Variants in TSPAN18 observed in about 807,000 individuals in gnomAD.
The protein encoded by TSPAN18 is tetraspanin-18.
In TSPAN18, 14 loss-of-function variants were observed where a neutral mutation model predicts 27.3. The observed-to-expected ratio is 0.51, with a 90% confidence interval of 0.34 to 0.80. The LOEUF is 0.80. Ranked by LOEUF, TSPAN18 falls within the 30% of genes least tolerant of loss-of-function variation. The pLI is 0.01. For missense variants in TSPAN18, 268 were observed against 323.9 expected, an observed-to-expected ratio of 0.83 and a Z score of 1.32; for synonymous variants, 143 against 136.5, an observed-to-expected ratio of 1.05 and a Z score of -0.33.
chr11:44,870,429 TC>T (rs1443980184), intron 3 of TSPAN18, among the ~76,000 whole-genome samples: 1 of 152,230 alleles, frequency 6.6e-6, no homozygotes, highest in Non-Finnish European at 1.5e-5. Context: ...AAGTGTGGTT[TC>T]TTTTTAAGAG....
chr11:44,919,084 C>G (rs1860025860), intron 6 of TSPAN18, 130 bp from the exon 7 acceptor site: 1 of 722,672 alleles, frequency 1.4e-6, no homozygotes, highest in South Asian at 1.6e-5. Context: ...TCCCAGGGGA[C>G]CTGGCACCAG....
intron 2 of TSPAN18, among the ~76,000 whole-genome samples, chr11:44,792,216 C>G (rs552527334): frequency 6.6e-6 from 1 of 151,896 alleles, no homozygotes; most frequent in Non-Finnish European, 1.5e-5. Context: ...TGAGTGATGC[C>G]GGGGGAAGCT....
intron 9 of TSPAN18, among the ~76,000 whole-genome samples, chr11:44,927,297 C>T (rs561255776): frequency 6.6e-6 from 1 of 152,222 alleles, no homozygotes; most frequent in Non-Finnish European, 1.5e-5. Context: ...AAGGGAGGAG[C>T]GGCCGCCTCC....
At chr11:44,768,374 T>C (rs1395226458) in intron 2 of TSPAN18, among the ~76,000 whole-genome samples, 2 of 152,236 alleles carry the variant, frequency 1.3e-5, no homozygotes, top group Non-Finnish European at 1.5e-5. Context: ...GAAATGGTTT[T>C]ATGTTTTTAA....
chr11:44,893,226 C>A (rs1484860282), intron 3 of TSPAN18, among the ~76,000 whole-genome samples: 1 of 152,200 alleles, frequency 6.6e-6, no homozygotes, highest in Non-Finnish European at 1.5e-5. Flanking sequence ...GGGGTCCTTC[C>A]CAGAGCCTGC....
intron 1 of TSPAN18, among the ~76,000 whole-genome samples, chr11:44,734,512 G>A (rs967362920): frequency 3.9e-5 from 6 of 152,252 alleles, no homozygotes; most frequent in African/African-American, 1.4e-4. Flanking sequence ...TCCCCCTTGA[G>A]GAAGAGGAAG....
chr11:44,757,224 G>C lies in TSPAN18; in HGVS notation c.-239-7202G>C, dbSNP rs57941280. Among the ~76,000 whole-genome samples, 813 of 151,958 alleles carry C rather than the reference G, an allele frequency of 5.4e-3. 5 individuals are homozygous for C. Among genetic ancestry groups the C allele is most frequent in the African/African-American group, 0.019 (788 of 41,480 alleles). On this transcript the variant is annotated intron_variant, in intron 1 of 9. Coordinates refer to ENST00000520358, the MANE Select transcript of TSPAN18 (RefSeq NM_130783.5). The stretch of plus-strand genomic sequence containing the variant: ...ACATTCCCACCAACAGTGGGAACAG[G>C]GTTCAAGTTCCTTCACATCCTAGCC...
At chr11:44,760,144 A>G (rs966287162) in intron 1 of TSPAN18, among the ~76,000 whole-genome samples, 7 of 152,172 alleles carry the variant, frequency 4.6e-5, no homozygotes, top group Non-Finnish European at 8.8e-5. Flanking sequence ...GGAATTGGGG[A>G]TCAGATGATA....
chr11:44,823,340 T>C (rs1856967143), intron 2 of TSPAN18, among the ~76,000 whole-genome samples: 1 of 152,190 alleles, frequency 6.6e-6, no homozygotes, highest in Admixed American at 6.5e-5. Context: ...AAGAATTTTA[T>C]TGAACAATGG....
chr11:44,801,187 T>C (rs1856472171), intron 2 of TSPAN18, among the ~76,000 whole-genome samples: 1 of 152,218 alleles, frequency 6.6e-6, no homozygotes, highest in Non-Finnish European at 1.5e-5. Flanking sequence ...AATTGGTACA[T>C]AGGGGTTCAT....
chr11:44,848,800 G>A (rs996238208), intron 2 of TSPAN18, among the ~76,000 whole-genome samples: 2 of 152,212 alleles, frequency 1.3e-5, no homozygotes, highest in Non-Finnish European at 2.9e-5. Flanking sequence ...GGTGACAAAG[G>A]AAGACAGCAG....
intron 5 of TSPAN18, among the ~76,000 whole-genome samples, chr11:44,911,539 C>A (rs546276498): frequency 6.6e-6 from 1 of 152,152 alleles, no homozygotes; most frequent in Non-Finnish European, 1.5e-5. Context: ...CAGCTTGTCA[C>A]GGTGCTCGCA....
chr11:44,848,824 G>A (rs756652289), intron 2 of TSPAN18, among the ~76,000 whole-genome samples: 6 of 152,224 alleles, frequency 3.9e-5, no homozygotes, highest in Non-Finnish European at 7.3e-5. Flanking sequence ...GCTTTGCCTA[G>A]GGGAGGTCTC....
intron 2 of TSPAN18, among the ~76,000 whole-genome samples, chr11:44,765,557 T>C (rs1243210644): frequency 6.6e-6 from 1 of 152,154 alleles, no homozygotes; most frequent in Non-Finnish European, 1.5e-5. Context: ...CTCTCATCTG[T>C]CATGTCATCT....
chr11:44,792,612 C>T (rs747911675), intron 2 of TSPAN18, among the ~76,000 whole-genome samples: 2 of 152,196 alleles, frequency 1.3e-5, no homozygotes, highest in Non-Finnish European at 2.9e-5. Flanking sequence ...GCCGGGGCCT[C>T]TCCATCATGG....
At chr11:44,799,034 C>G (rs542745678) in intron 2 of TSPAN18, among the ~76,000 whole-genome samples, 1 of 149,720 alleles carries the variant, frequency 6.7e-6, no homozygotes, top group African/African-American at 2.5e-5. Flanking sequence ...CACCCCCTCC[C>G]AGGCAGTGCC....
At chr11:44,818,529 G>A (rs1409769509) in intron 2 of TSPAN18, among the ~76,000 whole-genome samples, 1 of 152,136 alleles carries the variant, frequency 6.6e-6, no homozygotes, top group Admixed American at 6.5e-5. Context: ...TCCTGCATTT[G>A]TCTGAGACCT....
At chr11:44,798,737 G>A (rs75074037) in intron 2 of TSPAN18, among the ~76,000 whole-genome samples, 2,380 of 152,346 alleles carry the variant, frequency 0.016, 59 homozygotes, top group African/African-American at 0.055. Context: ...GCTCAGGCTA[G>A]AGTGAGGAAG....
At chr11:44,787,302 G>A (rs894999699) in intron 2 of TSPAN18, among the ~76,000 whole-genome samples, 3 of 152,204 alleles carry the variant, frequency 2.0e-5, no homozygotes, top group Non-Finnish European at 1.5e-5. Context: ...GGCTCAGAGA[G>A]GAGAATTAAT....
Sources: allele counts gnomAD v4.1 joint callset (sites outside exome capture counted in the v4.1 genomes callset), GRCh38; gene constraint gnomAD v4.1.1; transcripts MANE v1.5; gene names NCBI Gene and HGNC (gene_info 2026-07-23, HGNC 2026-07-21).